HDAC4: variants seen among roughly 807,000 people sequenced by gnomAD.
The protein encoded by HDAC4 is histone deacetylase A.
A neutral mutation model predicts 135.1 loss-of-function variants in HDAC4; 16 were observed. The ratio of observed to expected loss-of-function variants is 0.12; its 90% confidence interval spans 0.08 to 0.18. The LOEUF (loss-of-function observed/expected upper bound fraction) is 0.18. Ranked by LOEUF, HDAC4 falls within the 10% of genes least tolerant of loss-of-function variation. The pLI is 1.00. For missense variants in HDAC4, 1,143 were observed against 1,511.8 expected (o/e 0.76, Z 4.05); for synonymous variants, 685 against 653.4 (o/e 1.05, Z -0.74).
chr2:239,313,192 C>T lies in HDAC4; in HGVS notation c.22+39486G>A, dbSNP rs1238661533. Among the ~76,000 whole-genome samples, 1 of 152,212 alleles carries T rather than the reference C, an allele frequency of 6.6e-6. No individual in the cohort carries two copies. Among genetic ancestry groups the T allele is most frequent in the African/African-American group, 2.4e-5 (1 of 41,464 alleles). On this transcript the variant is annotated intron_variant, in intron 2 of 26. Coordinates refer to ENST00000543185, the MANE Select transcript of HDAC4 (RefSeq NM_001378414.1). This position sits in a 1 kb window ranked among gnomAD's most constrained non-coding sequence, Gnocchi z 5.1. ...CCAGTCTCTCCCTCTCACCAGCACA[C>T]AGATGTTCTCAGCGGCAGAGCCTGG...
At chr2:239,291,361 C>A (rs1417329457) in intron 2 of HDAC4, among the ~76,000 whole-genome samples, 1 of 152,216 alleles carries the variant, frequency 6.6e-6, no homozygotes, top group Non-Finnish European at 1.5e-5. Flanking sequence ...CTGAAAATAG[C>A]CGGTGTTTGT....
intron 3 of HDAC4, among the ~76,000 whole-genome samples, chr2:239,220,393 G>GA (rs1413201649): frequency 6.6e-6 from 1 of 151,792 alleles, no homozygotes; most frequent in African/African-American, 2.4e-5. Context: ...CAAAAAGTTA[G>GA]AAAAATAACT....
chr2:239,076,581 G>A (rs1225157278), intron 22 of HDAC4, among the ~76,000 whole-genome samples: 4 of 152,224 alleles, frequency 2.6e-5, no homozygotes, highest in African/African-American at 9.6e-5. Context: ...CCAAGAGGCT[G>A]CAGTCCTGTG....
chr2:239,307,327 A>C lies in HDAC4; in HGVS notation c.22+45351T>G, dbSNP rs781155313. ...AAGAGGGTGTTCTGTTTAGAAGCAG[A>C]GAGCCGAGGAGCCGGAGGCCCCAAC... is the stretch of plus-strand genomic sequence containing the variant. On this transcript the variant is annotated intron_variant, in intron 2 of 26. Transcript: ENST00000543185. This position sits in a 1 kb window ranked among gnomAD's most constrained non-coding sequence, Gnocchi z 4.8. 6.6e-5 allele frequency among the ~76,000 whole-genome samples: 10 copies of C among 152,168 alleles called. No individual in the cohort carries two copies. The highest frequency in any genetic ancestry group is 8.8e-5 in the Non-Finnish European group (6 of 68,032).
chr2:239,279,854 G>A (rs764934325), intron 2 of HDAC4, among the ~76,000 whole-genome samples: 2 of 152,178 alleles, frequency 1.3e-5, no homozygotes, highest in African/African-American at 2.4e-5. Context: ...GCTTCTCCAC[G>A]CCTTCCCCAG....
Position 239,115,171 on chromosome 2 carries a change from T to A in HDAC4, c.1673A>T (p.Gln558Leu), listed in dbSNP as rs978210425. Residue 558 changes from glutamine (Q) to leucine (L), a missense_variant, in exon 13 of 27, where the codon CAG becomes CTG. This residue lies in a region of HDAC4 where 196 missense variants were observed against 210.7 expected (regional missense o/e 0.93). Coordinates refer to ENST00000543185, the MANE Select transcript of HDAC4 (RefSeq NM_001378414.1). The surrounding 1 kb of genome is among the most constrained non-coding windows in gnomAD (Gnocchi z 6.3). ...RLPGQKEAHA[Q>L]AGVQVKQEPI... Reference sequence around the variant, plus strand: ...CTCCTGCTTCACCTGCACGCCGGCCTGTGCGTGCGCCTCCTTCTGCCCCGG... The same window carrying A: ...CTCCTGCTTCACCTGCACGCCGGCCAGTGCGTGCGCCTCCTTCTGCCCCGG... 1.2e-6 allele frequency: 2 copies of A among 1,611,042 alleles called. No individual in the cohort carries two copies. Among genetic ancestry groups the A allele is most frequent in the Non-Finnish European group, 8.5e-7 (1 of 1,179,940 alleles).
intron 16 of HDAC4, among the ~76,000 whole-genome samples, chr2:239,101,901 T>G (rs1182888202): frequency 6.6e-6 from 1 of 151,058 alleles, no homozygotes; most frequent in African/African-American, 2.4e-5. Flanking sequence ...TTCTGTGCCC[T>G]GGGAGCCCCC....
intron 6 of HDAC4, among the ~76,000 whole-genome samples, chr2:239,158,912 TCTCA>T (rs757993708): frequency 4.0e-5 from 6 of 151,602 alleles, no homozygotes; most frequent in African/African-American, 9.7e-5. Flanking sequence ...ACACAATTAC[TCTCA>T]CTCACATCCG....
Position 239,164,059 on chromosome 2 carries a change from G to A in HDAC4, c.491-136C>T, listed in dbSNP as rs888710323. ...TTCAGGACGCTGTGGCCTCCTGAGC[G>A]CTTCCTCAAAGAACCAAGGCCGGGA... On this transcript the variant is annotated intron_variant, in intron 5 of 26. Transcript: ENST00000543185. 55 of 1,065,120 alleles carry A rather than the reference G, an allele frequency of 5.2e-5. 1 individual carries two copies. Among genetic ancestry groups the A allele is most frequent in the South Asian group, 4.3e-4 (34 of 78,324 alleles). 66.0% of individuals were successfully genotyped at this position (1,065,120 alleles called of 1,614,324 possible).
In HDAC4 at chr2:239,259,825, G is replaced by A. The variant is rs73100726; in HGVS notation, c.23-23161C>T. Among the ~76,000 whole-genome samples the A allele has an allele frequency of 9.7e-3, 1,483 of 152,370 alleles. 27 individuals are homozygous for A. The highest frequency in any genetic ancestry group is 0.033 in the African/African-American group (1,358 of 41,586). On this transcript the variant is annotated intron_variant, in intron 2 of 26. Transcript: ENST00000543185. ...GCCCAGAGCCTGTGGTATGGCGTGA[G>A]CCCCAGTCCCTAGATCACAGCCTGC...
chr2:239,116,930 C>A (rs969128918), intron 12 of HDAC4, among the ~76,000 whole-genome samples: 47 of 152,372 alleles, frequency 3.1e-4, no homozygotes, highest in Middle Eastern at 3.4e-3. Flanking sequence ...CCTCCTCCAG[C>A]ACCCCCCGAC....
At chr2:239,318,875 G>T (rs902605550) in intron 2 of HDAC4, among the ~76,000 whole-genome samples, 2 of 152,128 alleles carry the variant, frequency 1.3e-5, no homozygotes, top group African/African-American at 4.8e-5. Context: ...ATCAACAGGG[G>T]TAAGTGAAAA....
At chr2:239,070,769 T>C (rs1367280024) in intron 22 of HDAC4, among the ~76,000 whole-genome samples, 2 of 152,122 alleles carry the variant, frequency 1.3e-5, no homozygotes, top group African/African-American at 4.8e-5. Flanking sequence ...CTTCAAAAAG[T>C]TCGTGGAAAA....
intron 5 of HDAC4, among the ~76,000 whole-genome samples, chr2:239,166,535 G>C (rs1326153638): frequency 6.6e-6 from 1 of 152,184 alleles, no homozygotes; most frequent in African/African-American, 2.4e-5. Context: ...CCCGGCGTTA[G>C]ACTCGAACAT....
Position 239,189,904 on chromosome 2 carries a change from T to G in HDAC4, c.268A>C (p.Ile90Leu). 6.2e-7 allele frequency: 1 copy of G among 1,611,306 alleles called. No individual in the cohort carries two copies. Among genetic ancestry groups the G allele is most frequent in the Non-Finnish European group, 8.5e-7 (1 of 1,179,906 alleles). Residue 90 changes from isoleucine to leucine, a missense_variant, in exon 4 of 27, where the codon ATC (isoleucine) becomes CTC (leucine). Ile to Leu is a conservative substitution (Grantham distance 5). Coordinates refer to ENST00000543185, the MANE Select transcript of HDAC4 (RefSeq NM_001378414.1). Reference sequence around the variant, plus strand: ...TCGTGCTGCCTCTGGAACTCAGCGATGAGGATCTGCCTCTGGATCTGCTGC... The same window carrying G: ...TCGTGCTGCCTCTGGAACTCAGCGAGGAGGATCTGCCTCTGGATCTGCTGC... Reference protein sequence around the residue: ...QKQQIQRQILIAEFQRQHEQL... With the variant: ...QKQQIQRQILLAEFQRQHEQL...
chr2:239,080,604 C>T (rs562874376), intron 22 of HDAC4, among the ~76,000 whole-genome samples: 142 of 152,158 alleles, frequency 9.3e-4, no homozygotes, highest in Middle Eastern at 3.4e-3. Context: ...GCGCGCCCTG[C>T]GGCTAAATGC....
intron 16 of HDAC4, among the ~76,000 whole-genome samples, chr2:239,098,750 T>A (rs185161876): frequency 1.3e-5 from 2 of 152,196 alleles, no homozygotes; most frequent in African/African-American, 2.4e-5. Flanking sequence ...CTCATTAGGG[T>A]TATGTTCACA....
intron 2 of HDAC4, among the ~76,000 whole-genome samples, chr2:239,305,765 C>T (rs916293775): frequency 2.0e-5 from 3 of 152,138 alleles, no homozygotes; most frequent in Admixed American, 6.5e-5. Flanking sequence ...ACGTGTATTT[C>T]GAGTTGAAAT....
intron 2 of HDAC4, among the ~76,000 whole-genome samples, chr2:239,300,173 C>T (rs13389628): frequency 0.17 from 25,637 of 151,992 alleles, 3,149 homozygotes; most frequent in East Asian, 0.51. Context: ...GCGCTGTGAA[C>T]CTACTCCCAT....
Sources: allele counts gnomAD v4.1 joint callset (sites outside exome capture counted in the v4.1 genomes callset), GRCh38; gene constraint gnomAD v4.1.1; regional missense constraint gnomAD v4.1.1; non-coding constraint Gnocchi (gnomAD v3.1); transcripts MANE v1.5; gene names NCBI Gene and HGNC (gene_info 2026-07-23, HGNC 2026-07-21).